The following CEBPZOS variants were observed in gnomAD, a reference collection of about 807,000 sequenced individuals.
The protein encoded by CEBPZOS is protein CEBPZOS.
A neutral mutation model predicts 4.8 loss-of-function variants in CEBPZOS; 10 were observed. That is an observed-to-expected ratio of 2.07 (90% CI 1.28 to 3.52). The LOEUF (loss-of-function observed/expected upper bound fraction) is 3.52. Among genes scored for constraint, CEBPZOS ranks in the 30% most tolerant of loss-of-function variants. The pLI is 0.00. For missense variants in CEBPZOS, 98 were observed against 43.6 expected, an observed-to-expected ratio of 2.25 and a Z score of -3.51; for synonymous variants, 25 against 14.2, an observed-to-expected ratio of 1.77 and a Z score of -1.72.
downstream of CEBPZOS, among the ~76,000 whole-genome samples, chr2:37,205,641 T>C (rs1194129986): frequency 6.6e-6 from 1 of 152,226 alleles, no homozygotes; most frequent in African/African-American, 2.4e-5. Context: ...CATGAAACTT[T>C]TTAAAACATT....
chr2:37,214,271 AT>A (rs1348489843), downstream of CEBPZOS, among the ~76,000 whole-genome samples: 2 of 152,136 alleles, frequency 1.3e-5, no homozygotes, highest in East Asian at 1.9e-4. Flanking sequence ...ATTCTAAATG[AT>A]TTTAAAAAAC....
chr2:37,201,960 C>T lies in CEBPZOS; in HGVS notation c.*100C>T. On this transcript the variant is annotated 3_prime_UTR_variant, in exon 5 of 5. Coordinates refer to ENST00000402297, the MANE Select transcript of CEBPZOS (RefSeq NM_001322374.2). Reference sequence around the variant, plus strand: ...ACCACACTGTAGACTCTTGGTGGTCCCACAGAACATGCTGCTGAGTCACAG... The same window carrying T: ...ACCACACTGTAGACTCTTGGTGGTCTCACAGAACATGCTGCTGAGTCACAG... 4 of 1,517,062 alleles carry T rather than the reference C, an allele frequency of 2.6e-6. No individual in the cohort carries two copies. The highest frequency in any genetic ancestry group is 3.6e-6 in the Non-Finnish European group (4 of 1,117,794). 94.0% of individuals were successfully genotyped at this position (1,517,062 alleles called of 1,614,324 possible). A position where few individuals can be genotyped will look rare whatever the true frequency, so the allele number is the denominator to read the frequency against.
At chr2:37,210,928 A>G in intron 4 of CEBPZOS, 1 of 1,106,716 alleles carries the variant, frequency 9.0e-7, no homozygotes, top group Non-Finnish European at 1.3e-6. Context: ...AGGAGAGTTC[A>G]TTTCCCAAAA....
At chr2:37,211,853 C>G in intron 4 of CEBPZOS, 1 of 1,599,050 alleles carries the variant, frequency 6.3e-7, no homozygotes, top group Non-Finnish European at 8.5e-7. Context: ...CTGGAACGCT[C>G]TCACTTTCAT....
chr2:37,202,986 G>C lies in CEBPZOS; in HGVS notation c.*1126G>C, dbSNP rs761115123. On this transcript the variant is annotated 3_prime_UTR_variant, in exon 5 of 5. Transcript: ENST00000402297. ...ATACAAATAGGCTGGAATCATTTAAGTTTCTTTTCTTTTTTCTTGGCCCTA... is the reference window on the plus strand; with the variant it reads ...ATACAAATAGGCTGGAATCATTTAACTTTCTTTTCTTTTTTCTTGGCCCTA... 6.4e-7 allele frequency: 1 copy of C among 1,551,282 alleles called. No homozygotes were observed. Among genetic ancestry groups the C allele is most frequent in the Non-Finnish European group, 8.7e-7 (1 of 1,152,506 alleles).
chr2:37,214,199 TTA>T (rs1333532274), downstream of CEBPZOS, among the ~76,000 whole-genome samples: 1 of 152,198 alleles, frequency 6.6e-6, no homozygotes, highest in Non-Finnish European at 1.5e-5. Flanking sequence ...AGCCCTATTC[TTA>T]TATTAGAATA....
At chr2:37,216,100 A>G, downstream of CEBPZOS, 1 of 1,418,182 alleles carries the variant, frequency 7.1e-7, no homozygotes, top group Non-Finnish European at 9.8e-7. Context: ...TTTGTCTTAT[A>G]TTGTCTTTTC....
At chr2:37,214,376 G>C (rs1463331561), downstream of CEBPZOS, among the ~76,000 whole-genome samples, 1 of 152,026 alleles carries the variant, frequency 6.6e-6, no homozygotes, top group Non-Finnish European at 1.5e-5. Flanking sequence ...GTTGGTTTAG[G>C]ACTTATTTCT....
At chr2:37,216,061 A>C, downstream of CEBPZOS, 1 of 1,083,494 alleles carries the variant, frequency 9.2e-7, no homozygotes, top group Non-Finnish European at 1.3e-6. Context: ...CTGATAAATT[A>C]GAACAAAGAA....
chr2:37,208,710 G>T (rs1444448317), downstream of CEBPZOS, among the ~76,000 whole-genome samples: 1 of 152,072 alleles, frequency 6.6e-6, no homozygotes, highest in East Asian at 1.9e-4. Flanking sequence ...AAAGTTGAAA[G>T]CATTCCCCCT....
At chr2:37,206,003 T>G (rs1394525464), downstream of CEBPZOS, among the ~76,000 whole-genome samples, 1 of 152,190 alleles carries the variant, frequency 6.6e-6, no homozygotes, top group East Asian at 1.9e-4. Flanking sequence ...TATAATTGAA[T>G]GGTTTAAAAA....
At chr2:37,211,972 CATCACTACCTTCTGA>C (rs1292086291) in intron 4 of CEBPZOS, 2 of 1,613,504 alleles carry the variant, frequency 1.2e-6, no homozygotes, top group Admixed American at 3.3e-5. Flanking sequence ...CCAAGTTCAT[CATCACTACCTTCTGA>C]ATCTTCATCT....
intron 1 of CEBPZOS, chr2:37,197,105 C>T (rs758050306): frequency 2.0e-4 from 31 of 153,178 alleles, no homozygotes; most frequent in Non-Finnish European, 4.0e-4. Context: ...ACACACAGCC[C>T]TGCGCCGAAT....
rs67245597 is a variant in CEBPZOS at position 37,204,497 on chromosome 2, TG to T, written c.*2638del. ...TTCATCATGTTGGCCAGGATGGTCTTGATCTCTTGACCTTGTGATCTACCTG... is the reference window on the plus strand; with the variant it reads ...TTCATCATGTTGGCCAGGATGGTCTTATCTCTTGACCTTGTGATCTACCTG... On this transcript the variant is annotated 3_prime_UTR_variant, in exon 5 of 5. Coordinates refer to ENST00000402297, the MANE Select transcript of CEBPZOS (RefSeq NM_001322374.2). 0.35 allele frequency: 52,549 copies of T among 151,564 alleles called. 9,432 individuals are homozygous for T. The highest frequency in any genetic ancestry group is 0.39 in the Non-Finnish European group (26,392 of 67,830). The allele number at this position is 151,564 out of a possible 1,614,324, so 9.4% of individuals were successfully genotyped here. A position where few individuals can be genotyped will look rare whatever the true frequency, so the allele number is the denominator to read the frequency against.
chr2:37,211,376 G>A, intron 4 of CEBPZOS: 1 of 263,266 alleles, frequency 3.8e-6, no homozygotes, highest in South Asian at 1.3e-4. Context: ...TTCAGAATAA[G>A]TAAGAAGAAT....
intron 2 of CEBPZOS, among the ~76,000 whole-genome samples, 144 bp from the exon 3 acceptor site, chr2:37,200,893 AGATCGTTCCTG>A (rs1269817482): frequency 2.6e-5 from 4 of 152,218 alleles, no homozygotes; most frequent in Non-Finnish European, 5.9e-5. Context: ...AAACAAAAGG[AGATCGTTCCTG>A]GATTACCAGA....
rs556484723 is a variant in CEBPZOS, at chr2:37,202,030, A to G, written c.*170A>G. ...GCCTGTGGTTTCCCACCCACTATACAAACCCACTGCTTGTTTGTTGCTTTT... is the reference window on the plus strand; with the variant it reads ...GCCTGTGGTTTCCCACCCACTATACGAACCCACTGCTTGTTTGTTGCTTTT... On this transcript the variant is annotated 3_prime_UTR_variant, in exon 5 of 5. Coordinates refer to ENST00000402297, the MANE Select transcript of CEBPZOS (RefSeq NM_001322374.2). The G allele has an allele frequency of 7.4e-5, 47 of 638,664 alleles. 1 individual carries two copies. The South Asian group carries it at 1.5e-3, about 20-fold the overall frequency. The allele number at this position is 638,664 out of a possible 1,614,324, so 39.6% of individuals were successfully genotyped here.
At chr2:37,212,070 G>A in intron 4 of CEBPZOS, 1 of 1,545,076 alleles carries the variant, frequency 6.5e-7, no homozygotes. Flanking sequence ...TAATACAAGA[G>A]GAGGCAGTAT....
downstream of CEBPZOS, among the ~76,000 whole-genome samples, chr2:37,208,636 G>A (rs375003552): frequency 5.1e-4 from 77 of 152,170 alleles, no homozygotes; most frequent in Middle Eastern, 3.4e-3. Flanking sequence ...TACAAGGGAC[G>A]TACCTTAAAA....
Sources: gnomAD v4.1 joint callset for allele counts (sites outside exome capture counted in the v4.1 genomes callset) on GRCh38, gnomAD v4.1.1 for gene constraint, MANE v1.5 for transcripts, NCBI Gene and HGNC (gene_info 2026-07-23, HGNC 2026-07-21) for gene names.